The following GRM1 variants were observed in gnomAD, a reference collection of about 807,000 sequenced individuals.
GRM1 encodes metabotropic glutamate receptor 1.
Under a neutral mutation model 90.9 loss-of-function variants are expected in GRM1, and 33 were observed. The ratio of observed to expected loss-of-function variants is 0.36; its 90% CI spans 0.28 to 0.49. The LOEUF is 0.49. Ranked by LOEUF, GRM1 falls within the 20% of genes least tolerant of loss-of-function variation. GRM1 has a pLI of 0.99. For missense variants in GRM1, 1,190 were observed against 1,534.3 expected (o/e 0.78, Z 3.75); for synonymous variants, 700 against 613.2 (o/e 1.14, Z -2.09).
intron 4 of GRM1, among the ~76,000 whole-genome samples, 159 bp downstream of exon 4, chr6:146,352,655 A>G (rs1023078160): frequency 6.6e-6 from 1 of 152,204 alleles, no homozygotes; most frequent in Non-Finnish European, 1.5e-5. Context: ...TGAAATTACC[A>G]AAGACCACAC....
intron 2 of GRM1, among the ~76,000 whole-genome samples, chr6:146,254,375 G>A (rs1303037547): frequency 6.6e-6 from 1 of 152,128 alleles, no homozygotes; most frequent in Non-Finnish European, 1.5e-5. Context: ...CAAGACTCTA[G>A]ACGTTCAGAC....
chr6:146,364,863 A>G (rs957756899), intron 5 of GRM1: 6 of 151,948 alleles, frequency 3.9e-5, no homozygotes, highest in Admixed American at 3.9e-4. Context: ...TCTAATAAGG[A>G]CAATTCTCGT....
chr6:146,197,975 A>G (rs1779176870), intron 2 of GRM1, among the ~76,000 whole-genome samples: 2 of 152,254 alleles, frequency 1.3e-5, no homozygotes, highest in South Asian at 4.1e-4. Context: ...AAGATGGTAG[A>G]TCTCATGTTA....
At chr6:146,098,814 C>T (rs1269856383) in intron 1 of GRM1, among the ~76,000 whole-genome samples, 1 of 152,020 alleles carries the variant, frequency 6.6e-6, no homozygotes, top group African/African-American at 2.4e-5. Context: ...TTTCTTGGCA[C>T]TTCTCCTTCC....
At chr6:146,285,894 A>T (rs1782750242) in intron 2 of GRM1, among the ~76,000 whole-genome samples, 1 of 152,176 alleles carries the variant, frequency 6.6e-6, no homozygotes, top group African/African-American at 2.4e-5. Context: ...GTACGCCTGG[A>T]AAATTGGATA....
intron 2 of GRM1, among the ~76,000 whole-genome samples, chr6:146,250,887 G>T (rs906276457): frequency 1.1e-4 from 16 of 152,150 alleles, no homozygotes; most frequent in African/African-American, 3.9e-4. Flanking sequence ...ATTACATAAA[G>T]GTGAGAAAAA....
chr6:146,150,271 T>G (rs1176467150), intron 1 of GRM1, among the ~76,000 whole-genome samples: 2 of 152,176 alleles, frequency 1.3e-5, no homozygotes, highest in Non-Finnish European at 2.9e-5. Flanking sequence ...AATTTAGATT[T>G]TATCATAAGA....
chr6:146,231,595 A>G (rs1780452069), intron 2 of GRM1, among the ~76,000 whole-genome samples: 1 of 152,092 alleles, frequency 6.6e-6, no homozygotes, highest in Admixed American at 6.6e-5. Flanking sequence ...GTGTCATGTC[A>G]TATACTATAT....
chr6:146,134,904 C>T lies in GRM1; in HGVS notation c.701-24444C>T, dbSNP rs959750506. 1.2e-4 allele frequency among the ~76,000 whole-genome samples: 18 copies of T among 152,100 alleles called. 1 individual carries two copies. On this transcript the variant is annotated intron_variant, in intron 1 of 7. Transcript: ENST00000282753. ...CAAGATGGCACCACTGGACTCCAGT[C>T]TGGATGACAGAGCGTGACTCCGTCT... is the stretch of plus-strand genomic sequence containing the variant.
rs1790619713 is a variant in GRM1 at position 146,029,294 on chromosome 6, C to G, written c.-224C>G. 1 of 588,048 alleles carries G rather than the reference C, an allele frequency of 1.7e-6. No individual in the cohort carries two copies. The highest frequency in any genetic ancestry group is 3.0e-5 in the Admixed American group (1 of 33,462). The allele number at this position is 588,048 out of a possible 1,614,324, so 36.4% of individuals were successfully genotyped here. On this transcript the variant is annotated 5_prime_UTR_variant, in exon 1 of 8. Coordinates refer to ENST00000282753, the MANE Select transcript of GRM1 (RefSeq NM_001278064.2). ...AAGAACGGGGACTCGAATTCCCTTA[C>G]AAACGCCTCCAGCTTGTAGAGGCGG...
intron 2 of GRM1, among the ~76,000 whole-genome samples, chr6:146,273,069 T>C (rs1443763690): frequency 6.6e-6 from 1 of 152,198 alleles, no homozygotes; most frequent in Non-Finnish European, 1.5e-5. Flanking sequence ...CCAAGAAGAA[T>C]GTTGTGTGAC....
chr6:146,214,402 G>A (rs148657210), intron 2 of GRM1, among the ~76,000 whole-genome samples: 309 of 152,280 alleles, frequency 2.0e-3, no homozygotes, highest in African/African-American at 7.1e-3. Flanking sequence ...AGATTGCTCC[G>A]ATAGAGAACA....
At chr6:146,085,175 T>C (rs931454769) in intron 1 of GRM1, among the ~76,000 whole-genome samples, 2 of 152,106 alleles carry the variant, frequency 1.3e-5, no homozygotes, top group African/African-American at 4.8e-5. Flanking sequence ...AAATGGCTGA[T>C]TGATATAACT....
chr6:146,216,567 T>C (rs6570743), intron 2 of GRM1, among the ~76,000 whole-genome samples: 1 of 152,032 alleles, frequency 6.6e-6, no homozygotes, highest in Non-Finnish European at 1.5e-5. Flanking sequence ...TATCATTCGG[T>C]TGACTGGTTC....
chr6:146,246,919 T>C (rs1781078911), intron 2 of GRM1, among the ~76,000 whole-genome samples: 1 of 152,230 alleles, frequency 6.6e-6, no homozygotes, highest in African/African-American at 2.4e-5. Flanking sequence ...TAAGGGAGTC[T>C]CTTTTGGATC....
At chr6:146,197,122 T>C (rs879399532) in intron 2 of GRM1, among the ~76,000 whole-genome samples, 1 of 152,250 alleles carries the variant, frequency 6.6e-6, no homozygotes, top group Admixed American at 6.5e-5. Flanking sequence ...GTGGAGGACA[T>C]AGAACTCAGA....
At chr6:146,065,553 C>T (rs536330699) in intron 1 of GRM1, among the ~76,000 whole-genome samples, 1 of 152,292 alleles carries the variant, frequency 6.6e-6, no homozygotes, top group Admixed American at 6.5e-5. Flanking sequence ...GAGTTTGCCA[C>T]CATGATTACT....
At chr6:146,393,021 T>C (rs532993966) in intron 6 of GRM1, among the ~76,000 whole-genome samples, 6 of 152,316 alleles carry the variant, frequency 3.9e-5, no homozygotes, top group South Asian at 4.1e-4. Flanking sequence ...TATAGTAGAA[T>C]GATTGGTAAT....
At chr6:146,209,672 T>A (rs1779615775) in intron 2 of GRM1, among the ~76,000 whole-genome samples, 1 of 152,248 alleles carries the variant, frequency 6.6e-6, no homozygotes, top group East Asian at 1.9e-4. Flanking sequence ...GGAAGGGAGA[T>A]GTTTGAGACG....
Sources: gnomAD v4.1 joint callset for allele counts (sites outside exome capture counted in the v4.1 genomes callset) on GRCh38, gnomAD v4.1.1 for gene constraint, MANE v1.5 for transcripts, NCBI Gene and HGNC (gene_info 2026-07-23, HGNC 2026-07-21) for gene names.